SORCS2: variants seen among roughly 807,000 people sequenced by gnomAD.
SORCS2 encodes sortilin related VPS10 domain containing receptor 2, also known as VPS10 domain-containing receptor SorCS2.
In SORCS2, 100 loss-of-function variants were observed where a neutral mutation model predicts 141.6. That is an observed-to-expected ratio of 0.71 (90% CI 0.60 to 0.83). SORCS2 has a LOEUF of 0.83. SORCS2 is among the 40% of genes least tolerant of loss of function. The probability of loss-of-function intolerance (pLI) is 0.00; values close to 1 mark genes in which losing one functional copy is unlikely to be tolerated. For missense variants in SORCS2, 1,646 were observed against 1,560.2 expected (o/e 1.05, Z -0.93); for synonymous variants, 789 against 676.9 (o/e 1.17, Z -2.57).
At chr4:7,687,902 A>G (rs995431254) in intron 10 of SORCS2, among the ~76,000 whole-genome samples, 2 of 152,134 alleles carry the variant, frequency 1.3e-5, no homozygotes, top group Non-Finnish European at 1.5e-5. Context: ...TCCAGCCCCT[A>G]GCAACCAACT....
At chr4:7,317,360 C>T (rs116115039) in intron 1 of SORCS2, among the ~76,000 whole-genome samples, 3 of 152,314 alleles carry the variant, frequency 2.0e-5, no homozygotes, top group Non-Finnish European at 4.4e-5. Flanking sequence ...GCTGGATGAG[C>T]CCTCAAGGGT....
intron 2 of SORCS2, among the ~76,000 whole-genome samples, chr4:7,470,226 G>A (rs757357237): frequency 6.3e-5 from 9 of 143,498 alleles, no homozygotes; most frequent in Non-Finnish European, 9.1e-5. Context: ...CCCATCCCTC[G>A]GTCCATCCAC....
chr4:7,727,933 G>A (rs1727337742), intron 21 of SORCS2, among the ~76,000 whole-genome samples: 1 of 152,214 alleles, frequency 6.6e-6, no homozygotes, highest in South Asian at 2.1e-4. Context: ...TGAAGTCCAT[G>A]GATCCCTGAT....
At chr4:7,202,064 G>T (rs1202299457) in intron 1 of SORCS2, among the ~76,000 whole-genome samples, 5 of 150,986 alleles carry the variant, frequency 3.3e-5, no homozygotes, top group Non-Finnish European at 7.3e-5. Flanking sequence ...CTAAGTGGGT[G>T]GTGGGGGTGG....
intron 1 of SORCS2, among the ~76,000 whole-genome samples, chr4:7,370,265 G>A (rs1722164160): frequency 6.6e-6 from 1 of 152,206 alleles, no homozygotes; most frequent in African/African-American, 2.4e-5. Flanking sequence ...AGCACCAAAA[G>A]GGCTGAGAGC....
At chr4:7,729,487 G>A in intron 22 of SORCS2, 100 bp from the exon 23 acceptor site, 1 of 1,440,402 alleles carries the variant, frequency 6.9e-7, no homozygotes, top group Non-Finnish European at 9.3e-7. Flanking sequence ...TGAGACAGGT[G>A]TACAGGCCAA....
chr4:7,691,300 G>C (rs1188509010), intron 11 of SORCS2, among the ~76,000 whole-genome samples: 1 of 152,246 alleles, frequency 6.6e-6, no homozygotes, highest in Non-Finnish European at 1.5e-5. Flanking sequence ...GGCTGTTTGT[G>C]AATGAGTGAG....
chr4:7,628,397 T>C (rs1719658870), intron 3 of SORCS2, among the ~76,000 whole-genome samples: 1 of 151,862 alleles, frequency 6.6e-6, no homozygotes, highest in African/African-American at 2.4e-5. Flanking sequence ...CGGGCGCCTG[T>C]AGTCCCAGCT....
At chr4:7,275,399 TACCTATCATGTGTCTGGCTCAGGGCTGG>T (rs1715437078) in intron 1 of SORCS2, among the ~76,000 whole-genome samples, 1 of 152,118 alleles carries the variant, frequency 6.6e-6, no homozygotes, top group South Asian at 2.1e-4. Flanking sequence ...CTTGATAGAG[TACCTATCATGTGTCTGGCTCAGGGCTGG>T]ACACTGGATG....
chr4:7,704,027 A>C, intron 13 of SORCS2, 150 bp from the exon 14 acceptor site: 1 of 682,928 alleles, frequency 1.5e-6, no homozygotes, highest in South Asian at 1.6e-5. Flanking sequence ...TGATATGAGC[A>C]GATGTGACAT....
intron 2 of SORCS2, among the ~76,000 whole-genome samples, chr4:7,459,037 C>T (rs922746735): frequency 2.0e-4 from 30 of 151,994 alleles, no homozygotes; most frequent in Admixed American, 1.5e-3. Context: ...GCTCCTAAGG[C>T]GCGTGGCAAA....
At chr4:7,347,118 G>A (rs1440077768) in intron 1 of SORCS2, among the ~76,000 whole-genome samples, 1 of 152,160 alleles carries the variant, frequency 6.6e-6, no homozygotes, top group Admixed American at 6.5e-5. Flanking sequence ...ATCATATCAG[G>A]ATTTCTGAAC....
chr4:7,726,182 G>A (rs1435110597), intron 20 of SORCS2, among the ~76,000 whole-genome samples: 3 of 152,350 alleles, frequency 2.0e-5, no homozygotes, highest in East Asian at 3.9e-4. Context: ...ATCCACAGCT[G>A]CGGTGGCCAT....
intron 2 of SORCS2, among the ~76,000 whole-genome samples, chr4:7,515,562 G>T (rs1732921002): frequency 6.6e-6 from 1 of 152,252 alleles, no homozygotes; most frequent in South Asian, 2.1e-4. Flanking sequence ...CATTGAGGAG[G>T]CCTGGACACC....
intron 1 of SORCS2, among the ~76,000 whole-genome samples, chr4:7,350,569 G>A (rs1720881545): frequency 6.6e-6 from 1 of 152,182 alleles, no homozygotes; most frequent in Non-Finnish European, 1.5e-5. Flanking sequence ...GCTGCTGGGG[G>A]GACCCAGTGG....
At chr4:7,216,471 C>T (rs1577286381) in intron 1 of SORCS2, among the ~76,000 whole-genome samples, 1 of 152,342 alleles carries the variant, frequency 6.6e-6, no homozygotes, top group East Asian at 1.9e-4. Flanking sequence ...TCTTATGGTT[C>T]TGGAGGCCAG....
chr4:7,454,397 G>C, intron 2 of SORCS2, among the ~76,000 whole-genome samples: 1 of 142,572 alleles, frequency 7.0e-6, no homozygotes, highest in Non-Finnish European at 1.5e-5. Context: ...GCTGTGTGTT[G>C]GGGTCAGGTG....
intron 1 of SORCS2, among the ~76,000 whole-genome samples, chr4:7,294,012 G>A (rs577752068): frequency 1.0e-3 from 156 of 152,124 alleles, no homozygotes; most frequent in African/African-American, 3.3e-3. Context: ...TTTTACCCAC[G>A]CTCCTGAGAC....
chr4:7,481,435 G>A (rs1730628110), intron 2 of SORCS2, among the ~76,000 whole-genome samples: 2 of 152,202 alleles, frequency 1.3e-5, no homozygotes, highest in African/African-American at 2.4e-5. Context: ...CTAGGCGGAG[G>A]TCGGCCGGGA....
Sources: allele counts gnomAD v4.1 joint callset (sites outside exome capture counted in the v4.1 genomes callset), GRCh38; gene constraint gnomAD v4.1.1; transcripts MANE v1.5; gene names NCBI Gene and HGNC (gene_info 2026-07-23, HGNC 2026-07-21).